The following RAD51B variants were observed in gnomAD, a reference collection of about 807,000 sequenced individuals.
RAD51B encodes the protein DNA repair protein RAD51 homolog 2.
A neutral mutation model predicts 42.2 loss-of-function variants in RAD51B; 38 were observed. That is an observed-to-expected ratio of 0.90 (90% confidence interval 0.70 to 1.18). The LOEUF (loss-of-function observed/expected upper bound fraction) is 1.18, where lower values mean the gene tolerates loss of function less well. Among genes scored for constraint, RAD51B ranks in the 50% most tolerant of loss-of-function variants. The probability of loss-of-function intolerance (pLI) is 0.00; values close to 1 mark genes in which losing one functional copy is unlikely to be tolerated. For synonymous variants in RAD51B, 154 were observed against 145.2 expected (o/e 1.06, Z -0.43); for missense variants, 373 against 400.7 (o/e 0.93, Z 0.59).
chr14:68,350,858 T>G (rs2082772049), intron 8 of RAD51B, among the ~76,000 whole-genome samples: 1 of 152,214 alleles, frequency 6.6e-6, no homozygotes, highest in South Asian at 2.1e-4. Context: ...TCTGTTTGAC[T>G]TCTTTTGTGA....
intron 9 of RAD51B, among the ~76,000 whole-genome samples, chr14:68,452,277 T>C (rs188255967): frequency 6.6e-6 from 1 of 152,368 alleles, no homozygotes. Context: ...TTGTTTGCTT[T>C]AATTGGCGCT....
At chr14:68,223,338 T>C (rs940107000) in intron 7 of RAD51B, among the ~76,000 whole-genome samples, 3 of 152,366 alleles carry the variant, frequency 2.0e-5, no homozygotes, top group South Asian at 4.1e-4. Context: ...ACATGTCTAA[T>C]GAATGGGAAT....
chr14:68,103,846 A>G (rs532274471), intron 7 of RAD51B, among the ~76,000 whole-genome samples: 1 of 152,346 alleles, frequency 6.6e-6, no homozygotes, highest in Admixed American at 6.5e-5. Flanking sequence ...TGTTCTATGG[A>G]TGAGAAATGT....
rs1047496769 is a variant in RAD51B, at chr14:68,441,378, T to TA, written c.958-26787dup. Among the ~76,000 whole-genome samples, 27 of 143,222 alleles carry TA rather than the reference T, an allele frequency of 1.9e-4. 3 individuals carry two copies. Among genetic ancestry groups the TA allele is most frequent in the African/African-American group, 6.3e-4 (25 of 39,478 alleles). The allele number at this position is 143,222 out of a possible 152,430, so 94.0% of individuals were successfully genotyped here. A position where few individuals can be genotyped will look rare whatever the true frequency, so the allele number is the denominator to read the frequency against. On this transcript the variant is annotated intron_variant, in intron 9 of 10. Coordinates refer to ENST00000471583, the MANE Select transcript of RAD51B (RefSeq NM_133510.4). ...TAACACGGTGAAACCCCGTCTCTAGTAAAAAAACAAAAAATTAGCCGGGCG... is the reference window on the plus strand; with the variant it reads ...TAACACGGTGAAACCCCGTCTCTAGTAAAAAAAACAAAAAATTAGCCGGGCG...
chr14:68,168,422 A>T (rs2078798744), intron 7 of RAD51B, among the ~76,000 whole-genome samples: 1 of 152,170 alleles, frequency 6.6e-6, no homozygotes, highest in Admixed American at 6.6e-5. Flanking sequence ...TATGAGGAGC[A>T]TTATTTTTAT....
chr14:68,148,165 A>T (rs1361827517), intron 7 of RAD51B, among the ~76,000 whole-genome samples: 1 of 152,146 alleles, frequency 6.6e-6, no homozygotes, highest in Non-Finnish European at 1.5e-5. Context: ...GTACTTCATT[A>T]CTTTTTCCTG....
chr14:68,631,591 T>G (rs1210072260), intron 10 of RAD51B, among the ~76,000 whole-genome samples: 7 of 152,160 alleles, frequency 4.6e-5, no homozygotes, highest in African/African-American at 1.7e-4. Flanking sequence ...GCCCGGCATA[T>G]AGAAAATTTA....
intron 10 of RAD51B, among the ~76,000 whole-genome samples, chr14:68,507,504 G>A (rs1885417208): frequency 6.6e-6 from 1 of 152,204 alleles, no homozygotes; most frequent in Admixed American, 6.5e-5. Context: ...CCATAGGAAA[G>A]TTGAGGAGTT....
intron 7 of RAD51B, among the ~76,000 whole-genome samples, chr14:68,237,715 C>T (rs1401313884): frequency 1.4e-5 from 2 of 148,018 alleles, no homozygotes; most frequent in Admixed American, 6.8e-5. Flanking sequence ...TTTACATGGA[C>T]ATGTGTTTTC....
intron 9 of RAD51B, among the ~76,000 whole-genome samples, chr14:68,460,079 T>C (rs1594870169): frequency 6.6e-6 from 1 of 152,176 alleles, no homozygotes; most frequent in Non-Finnish European, 1.5e-5. Context: ...CTGGGCCACA[T>C]AGGCAAAACT....
intron 7 of RAD51B, among the ~76,000 whole-genome samples, chr14:68,230,455 C>G (rs2080125461): frequency 6.6e-6 from 1 of 152,202 alleles, no homozygotes; most frequent in South Asian, 2.1e-4. Context: ...AGCAGAGAAT[C>G]TGACTGGCTT....
intron 7 of RAD51B, among the ~76,000 whole-genome samples, chr14:67,948,107 T>A (rs2045457836): frequency 1.3e-5 from 2 of 152,212 alleles, no homozygotes; most frequent in South Asian, 4.1e-4. Context: ...ATTGAATATA[T>A]AGTTATATGT....
chr14:67,946,111 T>C (rs1288089262), intron 7 of RAD51B, among the ~76,000 whole-genome samples: 3 of 152,212 alleles, frequency 2.0e-5, no homozygotes, highest in Non-Finnish European at 4.4e-5. Context: ...AATCCCAAAA[T>C]AGAGTTTTGG....
chr14:67,993,822 G>T (rs34718860), intron 7 of RAD51B, among the ~76,000 whole-genome samples: 4,134 of 152,154 alleles, frequency 0.027, 193 homozygotes, highest in African/African-American at 0.094. Flanking sequence ...GTGTATGAGG[G>T]TTCTCTAGTA....
At chr14:67,870,816 C>A (rs1382033431) in intron 5 of RAD51B, among the ~76,000 whole-genome samples, 2 of 118,786 alleles carry the variant, frequency 1.7e-5, no homozygotes, top group African/African-American at 7.8e-5. Context: ...GGAAACTGAA[C>A]AACCTGCTCC....
At chr14:68,434,628 C>T (rs1239071200) in intron 9 of RAD51B, among the ~76,000 whole-genome samples, 2 of 152,164 alleles carry the variant, frequency 1.3e-5, no homozygotes, top group Admixed American at 1.3e-4. Context: ...CCTGATTTTC[C>T]AGGTGCTGTC....
At chr14:68,520,113 A>G (rs1225451944) in intron 10 of RAD51B, among the ~76,000 whole-genome samples, 3 of 152,162 alleles carry the variant, frequency 2.0e-5, no homozygotes, top group African/African-American at 7.2e-5. Context: ...CAAAACAAAC[A>G]AACAAACAAA....
intron 7 of RAD51B, among the ~76,000 whole-genome samples, chr14:68,102,425 A>G (rs556941341): frequency 1.2e-4 from 18 of 152,292 alleles, no homozygotes; most frequent in African/African-American, 3.6e-4. Flanking sequence ...TCTCAAGTTC[A>G]GGGTTCCCCA....
At chr14:68,603,844 A>G (rs1891325225) in intron 10 of RAD51B, among the ~76,000 whole-genome samples, 1 of 152,206 alleles carries the variant, frequency 6.6e-6, no homozygotes. Context: ...CCCTGTCCGC[A>G]TGCTGTCAGG....
Sources: gnomAD v4.1 joint callset for allele counts (sites outside exome capture counted in the v4.1 genomes callset) on GRCh38, gnomAD v4.1.1 for gene constraint, MANE v1.5 for transcripts, NCBI Gene and HGNC (gene_info 2026-07-23, HGNC 2026-07-21) for gene names.